Variants in RABGAP1L observed in about 807,000 individuals in gnomAD.
RABGAP1L encodes the protein rab GTPase-activating protein 1-like.
Under a neutral mutation model 137.7 loss-of-function variants are expected in RABGAP1L, and 63 were observed. The observed-to-expected ratio is 0.46, with a 90% confidence interval of 0.37 to 0.56. RABGAP1L has a LOEUF of 0.56. RABGAP1L is among the 20% of genes least tolerant of loss of function. RABGAP1L has a pLI of 0.00. For synonymous variants in RABGAP1L, 431 were observed against 433.7 expected (o/e 0.99, Z 0.08); for missense variants, 1,095 against 1,244.0 (o/e 0.88, Z 1.80).
intron 12 of RABGAP1L, among the ~76,000 whole-genome samples, chr1:174,377,798 A>C (rs1048552341): frequency 1.4e-5 from 2 of 145,778 alleles, no homozygotes; most frequent in African/African-American, 5.1e-5. Flanking sequence ...ATTATTTTTT[A>C]TTATACTTTA....
chr1:174,579,393 G>T (rs1407105351), intron 13 of RABGAP1L, among the ~76,000 whole-genome samples: 1 of 152,094 alleles, frequency 6.6e-6, no homozygotes, highest in Non-Finnish European at 1.5e-5. Context: ...TTGTCTGAGG[G>T]TCCTTGAATG....
chr1:174,455,722 A>G (rs2149268326), intron 13 of RABGAP1L, among the ~76,000 whole-genome samples: 1 of 152,260 alleles, frequency 6.6e-6, no homozygotes, highest in South Asian at 2.1e-4. Flanking sequence ...TAAAAATGCT[A>G]AATTGGTAAG....
chr1:174,535,474 C>T (rs1572211760), intron 13 of RABGAP1L, among the ~76,000 whole-genome samples: 1 of 152,168 alleles, frequency 6.6e-6, no homozygotes, highest in East Asian at 1.9e-4. Context: ...AGTCTATTTT[C>T]AGCCTGGGTA....
At chr1:174,950,657 A>C (rs187880569) in intron 19 of RABGAP1L, among the ~76,000 whole-genome samples, 30 of 152,332 alleles carry the variant, frequency 2.0e-4, no homozygotes, top group Non-Finnish European at 1.5e-5. Flanking sequence ...TTTCCAAGGA[A>C]AGTGATACTA....
At chr1:174,173,176 G>C (rs1026797874) in intron 1 of RABGAP1L, among the ~76,000 whole-genome samples, 2 of 151,118 alleles carry the variant, frequency 1.3e-5, no homozygotes, top group South Asian at 2.1e-4. Context: ...TGTTGCCCAG[G>C]CTGGAGTGCA....
At chr1:174,518,465 T>C (rs187749627) in intron 13 of RABGAP1L, among the ~76,000 whole-genome samples, 2 of 152,368 alleles carry the variant, frequency 1.3e-5, no homozygotes, top group Admixed American at 6.5e-5. Context: ...AAATAGCTAT[T>C]AAGTGTATTT....
chr1:174,234,978 T>G (rs1671030320), intron 4 of RABGAP1L, among the ~76,000 whole-genome samples: 1 of 117,818 alleles, frequency 8.5e-6, no homozygotes, highest in Non-Finnish European at 1.7e-5. Flanking sequence ...GAGGAGGTCC[T>G]TCACATCCCT....
At chr1:174,224,774 T>C (rs185839821) in intron 3 of RABGAP1L, among the ~76,000 whole-genome samples, 1 of 152,320 alleles carries the variant, frequency 6.6e-6, no homozygotes, top group Non-Finnish European at 1.5e-5. Flanking sequence ...TTAAAAATGC[T>C]TTTCCAGTGT....
chr1:174,647,209 TG>T (rs1675041713), intron 14 of RABGAP1L, among the ~76,000 whole-genome samples: 1 of 152,138 alleles, frequency 6.6e-6, no homozygotes, highest in Non-Finnish European at 1.5e-5. Context: ...TTCTTTCTCT[TG>T]CCTGATTTCC....
At chr1:174,643,597 A>C (rs542831666) in intron 14 of RABGAP1L, among the ~76,000 whole-genome samples, 50 of 152,280 alleles carry the variant, frequency 3.3e-4, no homozygotes, top group Non-Finnish European at 6.6e-4. Context: ...TAATCATAAC[A>C]GTAATAGTAA....
At chr1:174,828,217 C>T (rs1691779620) in intron 19 of RABGAP1L, among the ~76,000 whole-genome samples, 1 of 147,950 alleles carries the variant, frequency 6.8e-6, no homozygotes, top group Non-Finnish European at 1.5e-5. Flanking sequence ...CCTGACATTG[C>T]TTGTCTGGAG....
chr1:174,753,622 G>A (rs1033994489), intron 18 of RABGAP1L, among the ~76,000 whole-genome samples: 1 of 152,070 alleles, frequency 6.6e-6, no homozygotes, highest in Non-Finnish European at 1.5e-5. Context: ...TATTTGCTGT[G>A]TCCCTTAATG....
intron 13 of RABGAP1L, among the ~76,000 whole-genome samples, chr1:174,420,749 A>G (rs1315867262): frequency 6.8e-6 from 1 of 147,932 alleles, no homozygotes. Flanking sequence ...AGCTCGGCTC[A>G]CTGCAAGCTC....
intron 19 of RABGAP1L, among the ~76,000 whole-genome samples, chr1:174,818,499 G>A (rs1690669551): frequency 6.6e-6 from 1 of 152,198 alleles, no homozygotes; most frequent in South Asian, 2.1e-4. Context: ...GGAATAAATA[G>A]CAGGTGAGTA....
intron 4 of RABGAP1L, among the ~76,000 whole-genome samples, chr1:174,232,270 G>A (rs1201828595): frequency 2.0e-5 from 3 of 152,186 alleles, no homozygotes; most frequent in Admixed American, 6.5e-5. Flanking sequence ...CACTTTGGGA[G>A]GCTGAGGTGG....
At chr1:174,904,254 C>A (rs1658658316) in intron 19 of RABGAP1L, among the ~76,000 whole-genome samples, 1 of 152,094 alleles carries the variant, frequency 6.6e-6, no homozygotes, top group Non-Finnish European at 1.5e-5. Context: ...TGCCTATAAT[C>A]CCTGTACTTT....
chr1:174,349,451 G>A (rs7523168), intron 11 of RABGAP1L, among the ~76,000 whole-genome samples: 9,821 of 101,364 alleles, frequency 0.097, 914 homozygotes, highest in Admixed American at 0.13. Context: ...CTGGCCGGGC[G>A]TGGGGCTGAC....
intron 3 of RABGAP1L, among the ~76,000 whole-genome samples, chr1:174,229,322 T>G (rs1168345982): frequency 2.0e-5 from 3 of 152,340 alleles, no homozygotes; most frequent in Admixed American, 6.5e-5. Context: ...GATTTACTTT[T>G]GTTTAATCCT....
At chr1:174,838,981 T>TA in intron 19 of RABGAP1L, among the ~76,000 whole-genome samples, 1 of 96,348 alleles carries the variant, frequency 1.0e-5, no homozygotes, top group East Asian at 3.7e-4. Flanking sequence ...AAGCCATGAA[T>TA]AAGCAAGAGT....
Sources: allele counts gnomAD v4.1 joint callset (sites outside exome capture counted in the v4.1 genomes callset), GRCh38; gene constraint gnomAD v4.1.1; transcripts MANE v1.5; gene names NCBI Gene and HGNC (gene_info 2026-07-23, HGNC 2026-07-21).